Variants in CPA5 observed in about 807,000 individuals in gnomAD.
CPA5 encodes the protein carboxypeptidase A5.
A neutral mutation model predicts 52.2 loss-of-function variants in CPA5; 38 were observed. The ratio of observed to expected loss-of-function variants is 0.73; its 90% CI spans 0.56 to 0.95. The LOEUF is 0.95. Among genes scored for constraint, CPA5 ranks in the 40% least tolerant of loss-of-function variants. CPA5 has a pLI of 0.00. For synonymous variants in CPA5, 198 were observed against 213.7 expected, an observed-to-expected ratio of 0.93 and a Z score of 0.64; for missense variants, 519 against 566.7, an observed-to-expected ratio of 0.92 and a Z score of 0.86.
rs782171310 is a variant in CPA5 at position 130,361,254 on chromosome 7, C to T, written c.534+10C>T. 6.3e-7 allele frequency: 1 copy of T among 1,583,556 alleles called. No homozygotes were observed. ...CATTCTTGTCCTGAAGGTAAAAGCC[C>T]ACAATGTCAACCTGTAGACTCTACC... On this transcript the variant is annotated intron_variant, in intron 7 of 12. Transcript: ENST00000474905.
chr7:130,347,766 G>A lies in CPA5; in HGVS notation c.117G>A (p.Gly39=), dbSNP rs548793760. 11 of 1,613,616 alleles carry A rather than the reference G, an allele frequency of 6.8e-6. No individual in the cohort carries two copies. The highest frequency in any genetic ancestry group is 5.3e-5 in the African/African-American group (4 of 74,962). ...AAALGQMNFT[G]DQVLRVLAKD... is the part of the protein sequence containing the mutation. ...TCCGCCCCTCCCTGTGTTTTTCTAG[G>A]GACCAGGTTCTTCGAGTCCTGGCCA... The change falls in exon 4 of 13, where the codon GGG becomes GGA. Residue 39 remains glycine (G), a splice_region_variant and synonymous_variant. Transcript: ENST00000474905.
intron 5 of CPA5, among the ~76,000 whole-genome samples, chr7:130,357,043 G>T (rs1554405372): frequency 6.6e-6 from 1 of 152,204 alleles, no homozygotes; most frequent in Non-Finnish European, 1.5e-5. Context: ...AGAGGACCGG[G>T]GCTCCTCCGG....
chr7:130,350,589 G>C (rs907947265), intron 5 of CPA5, among the ~76,000 whole-genome samples: 2 of 152,174 alleles, frequency 1.3e-5, no homozygotes, highest in Non-Finnish European at 2.9e-5. Context: ...TCAGAGCACT[G>C]CTGTGGTTCA....
At chr7:130,365,262 CA>C (rs1264743507) in intron 10 of CPA5, among the ~76,000 whole-genome samples, 10 of 152,310 alleles carry the variant, frequency 6.6e-5, no homozygotes, top group Non-Finnish European at 1.5e-4. Context: ...ACGCTTGCCT[CA>C]GGGGGGGCAT....
chr7:130,369,503 C>T (rs1796266901), downstream of CPA5, among the ~76,000 whole-genome samples: 1 of 152,138 alleles, frequency 6.6e-6, no homozygotes, highest in Non-Finnish European at 1.5e-5. Flanking sequence ...TTTGCTCTGC[C>T]CTCAGGAAGG....
At chr7:130,353,649 A>G (rs1208171729) in intron 5 of CPA5, among the ~76,000 whole-genome samples, 1 of 151,976 alleles carries the variant, frequency 6.6e-6, no homozygotes, top group Non-Finnish European at 1.5e-5. Flanking sequence ...TCAACAACAG[A>G]TTTATCGCTG....
downstream of CPA5, among the ~76,000 whole-genome samples, chr7:130,372,635 A>T (rs1313004975): frequency 1.3e-5 from 2 of 152,218 alleles, no homozygotes; most frequent in Non-Finnish European, 2.9e-5. Flanking sequence ...GCGGGTCCAG[A>T]GACTTCGCCT....
Position 130,359,700 on chromosome 7 carries a change from G to A in CPA5, c.432+13G>A, listed in dbSNP as rs556382234. ...CACCCTGGAGGAGGTAGGTCTGGCCGGGCAAGCTCTGGGCTCTCTTGTGTC... is the reference window on the plus strand; with the variant it reads ...CACCCTGGAGGAGGTAGGTCTGGCCAGGCAAGCTCTGGGCTCTCTTGTGTC... On this transcript the variant is annotated intron_variant, in intron 6 of 12. Transcript: ENST00000474905. The A allele has an allele frequency of 3.5e-5, 55 of 1,560,896 alleles. No individual in the cohort carries two copies. Among genetic ancestry groups the A allele is most frequent in the South Asian group, 4.7e-5 (4 of 85,034 alleles).
chr7:130,365,021 G>A (rs1796000223), intron 10 of CPA5, among the ~76,000 whole-genome samples: 1 of 152,214 alleles, frequency 6.6e-6, no homozygotes, highest in Admixed American at 6.5e-5. Flanking sequence ...TGTCATTGCT[G>A]TTGATAATCA....
In CPA5 at chr7:130,367,679, G is replaced by C. The variant is rs547822926; in HGVS notation, c.1038+108G>C. 20 of 1,137,936 alleles carry C rather than the reference G, an allele frequency of 1.8e-5. No individual in the cohort carries two copies. The African/African-American group carries it at 3.1e-4, about 17-fold the overall frequency. The allele number at this position is 1,137,936 out of a possible 1,614,324, so 70.5% of individuals were successfully genotyped here. On this transcript the variant is annotated intron_variant, in intron 11 of 12. Coordinates refer to ENST00000474905, the MANE Select transcript of CPA5 (RefSeq NM_080385.5). ...GTTGTTACTCTGAATGCAGGGGTCT[G>C]GGCTGATTGACCCCATGGTGCGGGG... is the stretch of plus-strand genomic sequence containing the variant.
At chr7:130,361,295 A>G (rs782174949) in intron 7 of CPA5, 51 bp downstream of exon 7, 2 of 1,290,924 alleles carry the variant, frequency 1.5e-6, no homozygotes, top group Non-Finnish European at 1.1e-6. Context: ...GGCCTCTGGC[A>G]TAAGATTGAT....
chr7:130,350,232 TTGTG>T, intron 5 of CPA5, 123 bp downstream of exon 5: 2 of 1,058,284 alleles, frequency 1.9e-6, no homozygotes, highest in Non-Finnish European at 2.7e-6. Flanking sequence ...ATCAGCGTGT[TTGTG>T]AACATGCTGT....
chr7:130,367,627 T>C (rs1375967990), intron 11 of CPA5, 56 bp downstream of exon 11: 1 of 1,482,186 alleles, frequency 6.7e-7, no homozygotes. Context: ...GGAAAATCCA[T>C]ATCTGTCATA....
intron 5 of CPA5, among the ~76,000 whole-genome samples, chr7:130,352,508 G>A (rs989343913): frequency 5.3e-5 from 8 of 151,974 alleles, no homozygotes; most frequent in African/African-American, 1.9e-4. Flanking sequence ...AGCAGGTGAG[G>A]GGGGGCTGGC....
chr7:130,360,259 TCAGCCCGTGAC>T (rs1190630485), intron 6 of CPA5, among the ~76,000 whole-genome samples: 2 of 152,280 alleles, frequency 1.3e-5, no homozygotes, highest in Non-Finnish European at 2.9e-5. Context: ...CCTAGGGCTC[TCAGCCCGTGAC>T]CAGTCCTTGT....
At chr7:130,363,387 T>C (rs1554407345) in intron 9 of CPA5, 32 bp from the exon 10 acceptor site, 1 of 1,538,726 alleles carries the variant, frequency 6.5e-7, no homozygotes. Flanking sequence ...ATGGGCCCAG[T>C]GAATGAGGTC....
intron 5 of CPA5, among the ~76,000 whole-genome samples, chr7:130,351,967 G>C (rs1333847899): frequency 1.4e-4 from 22 of 152,076 alleles, no homozygotes; most frequent in Non-Finnish European, 3.2e-4. Flanking sequence ...CCTCAGCCAA[G>C]GTTCAGCTCC....
At chr7:130,361,374 T>G (rs1584820751) in intron 7 of CPA5, 130 bp downstream of exon 7, 1 of 658,690 alleles carries the variant, frequency 1.5e-6, no homozygotes, top group Non-Finnish European at 2.7e-6. Flanking sequence ...TGTCCCCAGG[T>G]GACCCATAAA....
intron 10 of CPA5, 66 bp downstream of exon 10, chr7:130,363,575 A>G (rs1554407453): frequency 7.6e-7 from 1 of 1,314,786 alleles, no homozygotes; most frequent in African/African-American, 1.5e-5. Context: ...AGGTTCTCCC[A>G]CTCAGTCAGA....
Sources: gnomAD v4.1 joint callset for allele counts (sites outside exome capture counted in the v4.1 genomes callset) on GRCh38, gnomAD v4.1.1 for gene constraint, MANE v1.5 for transcripts, NCBI Gene and HGNC (gene_info 2026-07-23, HGNC 2026-07-21) for gene names.